The following NOBOX variants were observed in gnomAD, a reference collection of about 807,000 sequenced individuals.
NOBOX encodes NOBOX oogenesis homeobox.
Under a neutral mutation model 60.2 loss-of-function variants are expected in NOBOX, and 46 were observed. That is an observed-to-expected ratio of 0.76 (90% CI 0.60 to 0.98). The LOEUF (loss-of-function observed/expected upper bound fraction) is 0.98, where lower values mean the gene tolerates loss of function less well. Ranked by LOEUF, NOBOX falls within the 50% of genes least tolerant of loss-of-function variation. The pLI is 0.00. For synonymous variants in NOBOX, 360 were observed against 346.3 expected, an observed-to-expected ratio of 1.04 and a Z score of -0.44; for missense variants, 880 against 865.5, an observed-to-expected ratio of 1.02 and a Z score of -0.21.
At chr7:144,398,895 A>AC in intron 8 of NOBOX, 55 bp downstream of exon 6, 1 of 953,866 alleles carries the variant, frequency 1.0e-6, no homozygotes, top group Non-Finnish European at 1.6e-6. Context: ...CTCCATCTAC[A>AC]CCCCCCTACC....
chr7:144,408,995 T>C (rs1054520351), intron 1 of NOBOX, among the ~76,000 whole-genome samples: 9 of 152,286 alleles, frequency 5.9e-5, no homozygotes, highest in African/African-American at 2.2e-4. Context: ...TGTACTGGCG[T>C]GACAGAAGAT....
chr7:144,409,378 T>C (rs1209051305), intron 1 of NOBOX, among the ~76,000 whole-genome samples: 1 of 152,178 alleles, frequency 6.6e-6, no homozygotes, highest in African/African-American at 2.4e-5. Flanking sequence ...ATGAAGAAGA[T>C]GCTATTTCTC....
At chr7:144,404,508 C>A in intron 2 of NOBOX, 2 of 1,556,176 alleles carry the variant, frequency 1.3e-6, no homozygotes, top group Non-Finnish European at 1.8e-6. Flanking sequence ...CTGGGCTTCC[C>A]AAACTGCTGG....
chr7:144,399,659 G>T, intron 6 of NOBOX, 98 bp downstream of exon 4: 2 of 1,205,764 alleles, frequency 1.7e-6, no homozygotes, highest in Non-Finnish European at 2.4e-6. Context: ...TAGGACTCAT[G>T]CCTAGCCTTC....
chr7:144,402,748 A>ATTTTTTTT (rs1218483822), intron 2 of NOBOX, among the ~76,000 whole-genome samples: 2 of 93,418 alleles, frequency 2.1e-5, no homozygotes, highest in African/African-American at 4.4e-5. Context: ...AAGGAATAAC[A>ATTTTTTTT]TTTTTTTTTT....
At chr7:144,404,499 TG>T (rs2053969991) in intron 2 of NOBOX, 2 of 1,491,682 alleles carry the variant, frequency 1.3e-6, no homozygotes, top group Non-Finnish European at 9.2e-7. Flanking sequence ...TCTGCCCGCC[TG>T]GGCTTCCCAA....
chr7:144,408,262 A>G (rs2053999112), intron 1 of NOBOX, among the ~76,000 whole-genome samples: 1 of 149,886 alleles, frequency 6.7e-6, no homozygotes, highest in African/African-American at 2.5e-5. Context: ...TTCCTGGCAA[A>G]GTCTTACTCA....
intron 7 of NOBOX, 103 bp from the exon 6 acceptor site, chr7:144,399,281 A>G (rs769519393): frequency 1.8e-5 from 17 of 957,168 alleles, no homozygotes; most frequent in Non-Finnish European, 2.6e-5. Flanking sequence ...CCCCCTGAAT[A>G]GGCCCTGCTG....
intron 2 of NOBOX, 143 bp downstream of exon 1, chr7:144,403,514 A>ACCCCCCCCCCCCCCCC: frequency 1.4e-5 from 2 of 138,302 alleles, no homozygotes; most frequent in Non-Finnish European, 2.9e-5. Flanking sequence ...GCCTCCTCCC[A>ACCCCCCCCCCCCCCCC]CCCTACCCCA....
In NOBOX at chr7:144,397,293, G is replaced by A; in HGVS notation, c.2023C>T (p.Pro675Ser). 1 of 1,537,284 alleles carries A rather than the reference G, an allele frequency of 6.5e-7. No homozygotes were observed. Among genetic ancestry groups the A allele is most frequent in the Non-Finnish European group, 8.7e-7 (1 of 1,146,902 alleles). ...CCTCTGGCCTCCTCCAGTGCTGAGG[G>A]CTGATCCAGGGAAGCAGCTGGTGGT... The change falls in exon 10 of 10, where the codon CCC becomes TCC. Residue 675 changes from proline to serine, a missense_variant. Transcript: ENST00000467773.
Position 144,401,177 on chromosome 7 carries a change from C to A in NOBOX, c.713G>T (p.Gly238Val), listed in dbSNP as rs771731726. 4 of 1,613,358 alleles carry A rather than the reference C, an allele frequency of 2.5e-6. No individual in the cohort carries two copies. The highest frequency in any genetic ancestry group is 2.5e-6 in the Non-Finnish European group (3 of 1,179,488). The change falls in exon 4 of 10, where the codon GGC becomes GTC. Residue 238 changes from glycine (G) to valine (V), a missense_variant. Physicochemically the swap from Gly to Val is moderately radical, Grantham distance 109 (BLOSUM62 -3). Transcript: ENST00000467773. The surrounding 1 kb of genome is among the most constrained non-coding windows in gnomAD (Gnocchi z 4.2). ...ATTGGCCAGGTGGCAGGGCCCCCGG[C>A]CTGACCCACAGGGCACTGGGTTGTG...
Position 144,398,383 on chromosome 7 carries a change from A to G in NOBOX, c.1673T>C (p.Leu558Pro). The change falls in exon 9 of 10, where the codon CTC (leucine) becomes CCC (proline). Residue 558 changes from leucine to proline, a missense_variant. Physicochemically the swap from Leu to Pro is moderately conservative, Grantham distance 98. Transcript: ENST00000467773. Reference sequence around the variant, plus strand: ...GCTGGGGCCACAGGGAAACATAAAGAGAGAGTCTTCGGGCGGTGGAAGCGT... The same window carrying G: ...GCTGGGGCCACAGGGAAACATAAAGGGAGAGTCTTCGGGCGGTGGAAGCGT... 2 of 1,537,128 alleles carry G rather than the reference A, an allele frequency of 1.3e-6. No homozygotes were observed. Among genetic ancestry groups the G allele is most frequent in the African/African-American group, 1.4e-5 (1 of 73,122 alleles).
In NOBOX at chr7:144,401,063, C is replaced by T. The variant is rs769328958; in HGVS notation, c.827G>A (p.Arg276Gln). ...GGACTTACCTGAGCGGTATAGGGTTCGTGTCTTTTTCCTAATTTGGCAGGT... is the reference window on the plus strand; with the variant it reads ...GGACTTACCTGAGCGGTATAGGGTTTGTGTCTTTTTCCTAATTTGGCAGGT... The change falls in exon 4 of 10, where the codon CGA becomes CAA. Residue 276 changes from arginine to glutamine, a missense_variant. By Grantham distance (43) the Arg-to-Gln change is conservative (BLOSUM62 1). Coordinates refer to ENST00000467773, the MANE Select transcript of NOBOX (RefSeq NM_001080413.3). This position sits in a 1 kb window ranked among gnomAD's most constrained non-coding sequence, Gnocchi z 4.2. 10 of 1,527,490 alleles carry T rather than the reference C, an allele frequency of 6.5e-6. No individual in the cohort carries two copies. The highest frequency in any genetic ancestry group is 4.5e-5 in the East Asian group (2 of 44,258). 94.6% of individuals were successfully genotyped at this position (1,527,490 alleles called of 1,614,324 possible). A position where few individuals can be genotyped will look rare whatever the true frequency, so the allele number is the denominator to read the frequency against.
chr7:144,401,230 C>T lies in NOBOX; in HGVS notation c.660G>A (p.Pro220=), dbSNP rs1457254748. 7 of 1,613,418 alleles carry T rather than the reference C, an allele frequency of 4.3e-6. No homozygotes were observed. Among genetic ancestry groups the T allele is most frequent in the East Asian group, 2.2e-5 (1 of 44,866 alleles). The change falls in exon 4 of 10, where the codon CCG becomes CCA. Residue 220 remains proline (P), a synonymous_variant. Coordinates refer to ENST00000467773, the MANE Select transcript of NOBOX (RefSeq NM_001080413.3). This position sits in a 1 kb window ranked among gnomAD's most constrained non-coding sequence, Gnocchi z 4.2. The stretch of plus-strand genomic sequence containing the variant: ...TGGCACGGGCTGAGTTAGGGGCACC[C>T]GGAGATGATGTTGGGGCCAGACCCA...
chr7:144,399,461 A>T lies in NOBOX; in HGVS notation c.1176T>A (p.Pro392=). 1.3e-6 allele frequency: 2 copies of T among 1,583,150 alleles called. No homozygotes were observed. Among genetic ancestry groups the T allele is most frequent in the Non-Finnish European group, 1.7e-6 (2 of 1,164,270 alleles). The change falls in exon 7 of 10, where the codon CCT becomes CCA. Residue 392 remains proline, a synonymous_variant. Transcript: ENST00000467773. ...CAGGCTTTGGCTCCATGGGCACAGCAGGTAGGATCTCAGCTGCAGAGCTGG... is the reference window on the plus strand; with the variant it reads ...CAGGCTTTGGCTCCATGGGCACAGCTGGTAGGATCTCAGCTGCAGAGCTGG...
At chr7:144,402,271 T>C (rs1384724225) in intron 2 of NOBOX, among the ~76,000 whole-genome samples, 1 of 149,420 alleles carries the variant, frequency 6.7e-6, no homozygotes, top group African/African-American at 2.5e-5. Flanking sequence ...CTCTTTCGAG[T>C]AAGGAAACTG....
intron 2 of NOBOX, 138 bp downstream of exon 1, chr7:144,403,519 A>AC: frequency 3.2e-5 from 7 of 219,858 alleles, no homozygotes; most frequent in South Asian, 7.8e-5. Context: ...CTCCCACCCT[A>AC]CCCCACCCGA....
In NOBOX at chr7:144,399,121, C is replaced by A. The variant is rs1476085935; in HGVS notation, c.1298G>T (p.Gly433Val). ...TGGGGGGGTCACCACCCTCTGAGCA[C>A]CCTCACTGGGTTGGGTGGGGGCCAA... The change falls in exon 8 of 10, where the codon GGT (glycine) becomes GTT (valine). Residue 433 changes from glycine to valine, a missense_variant. Coordinates refer to ENST00000467773, the MANE Select transcript of NOBOX (RefSeq NM_001080413.3). 3.8e-6 allele frequency: 6 copies of A among 1,564,622 alleles called. No individual in the cohort carries two copies. Among genetic ancestry groups the A allele is most frequent in the South Asian group, 1.1e-5 (1 of 88,798 alleles).
Position 144,401,838 on chromosome 7 carries a change from T to G in NOBOX, c.292+31A>C, listed in dbSNP as rs1459680000. 7.0e-7 allele frequency: 1 copy of G among 1,432,232 alleles called. No individual in the cohort carries two copies. The highest frequency in any genetic ancestry group is 9.8e-7 in the Non-Finnish European group (1 of 1,020,296). 88.7% of individuals were successfully genotyped at this position (1,432,232 alleles called of 1,614,324 possible). A position where few individuals can be genotyped will look rare whatever the true frequency, so the allele number is the denominator to read the frequency against. ...TATGCAATTCTGAGACGGCGTTAGC[T>G]CATGGTATCTCCTAATTTGGGGGTA... On this transcript the variant is annotated intron_variant, in intron 3 of 9. Coordinates refer to ENST00000467773, the MANE Select transcript of NOBOX (RefSeq NM_001080413.3). This position sits in a 1 kb window ranked among gnomAD's most constrained non-coding sequence, Gnocchi z 4.2.
Sources: allele counts gnomAD v4.1 joint callset (sites outside exome capture counted in the v4.1 genomes callset), GRCh38; gene constraint gnomAD v4.1.1; non-coding constraint Gnocchi (gnomAD v3.1); transcripts MANE v1.5; gene names NCBI Gene and HGNC (gene_info 2026-07-23, HGNC 2026-07-21).